Variants in AKAP13 observed in about 807,000 individuals in gnomAD.
The protein encoded by AKAP13 is A-kinase anchor protein 13.
In AKAP13, 80 loss-of-function variants were observed where a neutral mutation model predicts 264.5. The observed-to-expected ratio is 0.30, with a 90% CI of 0.25 to 0.36. AKAP13 has a LOEUF of 0.36. Ranked by LOEUF, AKAP13 falls within the 10% of genes least tolerant of loss-of-function variation. The pLI is 1.00. For synonymous variants in AKAP13, 1,380 were observed against 1,250.2 expected (o/e 1.10, Z -2.19); for missense variants, 3,712 against 3,435.2 (o/e 1.08, Z -2.01).
intron 8 of AKAP13, among the ~76,000 whole-genome samples, chr15:85,599,513 C>G (rs892536662): frequency 6.6e-6 from 1 of 152,102 alleles, no homozygotes; most frequent in African/African-American, 2.4e-5. Flanking sequence ...GTCAGAGTTA[C>G]CGTGTATCTC....
chr15:85,483,618 G>A (rs2075417628), intron 1 of AKAP13, among the ~76,000 whole-genome samples: 1 of 117,958 alleles, frequency 8.5e-6, no homozygotes, highest in East Asian at 2.1e-4. Context: ...GGGCGACAGA[G>A]CGAGACTCCG....
chr15:85,722,049 A>G lies in AKAP13; in HGVS notation c.6311A>G (p.His2104Arg). 6.2e-7 allele frequency: 1 copy of G among 1,614,190 alleles called. No individual in the cohort carries two copies. The highest frequency in any genetic ancestry group is 8.5e-7 in the Non-Finnish European group (1 of 1,179,980). Residue 2104 changes from histidine (H) to arginine (R), a missense_variant, in exon 24 of 37, where the codon CAT becomes CGT. Transcript: ENST00000394518. ...KKTYGKFCGQ[H>R]NQSVNYFKDL... is the part of the protein sequence containing the mutation. ...ACATATGGCAAGTTTTGTGGGCAACATAACCAGTCTGTAAACTACTTCAAA... is the reference window on the plus strand; with the variant it reads ...ACATATGGCAAGTTTTGTGGGCAACGTAACCAGTCTGTAAACTACTTCAAA...
chr15:85,734,093 G>A (rs577290593), intron 30 of AKAP13, among the ~76,000 whole-genome samples: 37 of 151,876 alleles, frequency 2.4e-4, no homozygotes, highest in African/African-American at 5.3e-4. Flanking sequence ...TCGGCCTCCC[G>A]AAGTGCTGGG....
intron 3 of AKAP13, among the ~76,000 whole-genome samples, chr15:85,529,277 G>C (rs1382566449): frequency 1.3e-5 from 2 of 152,082 alleles, no homozygotes; most frequent in Non-Finnish European, 2.9e-5. Context: ...AAAAATTAGC[G>C]GGGCATGGTG....
chr15:85,560,414 TG>T (rs1162789157), intron 5 of AKAP13, among the ~76,000 whole-genome samples: 1 of 152,166 alleles, frequency 6.6e-6, no homozygotes, highest in Admixed American at 6.6e-5. Flanking sequence ...CCCAAAGTGC[TG>T]GGAACACAGG....
chr15:85,544,755 C>A (rs2077679951), intron 5 of AKAP13, among the ~76,000 whole-genome samples: 1 of 152,166 alleles, frequency 6.6e-6, no homozygotes, highest in Admixed American at 6.5e-5. Flanking sequence ...TTGTGGTTAT[C>A]ATCATTATCT....
rs893443283 is a variant in AKAP13, at chr15:85,664,547, T to C, written c.4800-16T>C. On this transcript the variant is annotated splice_polypyrimidine_tract_variant and intron_variant, in intron 12 of 36. Transcript: ENST00000394518. ...CCCAGAAATAGAATGAATTAACTTT[T>C]GTGCCCTATGTTCAGTTTCAGTCTA... 1.3e-6 allele frequency: 2 copies of C among 1,586,166 alleles called. No individual in the cohort carries two copies. Among genetic ancestry groups the C allele is most frequent in the Non-Finnish European group, 1.7e-6 (2 of 1,164,010 alleles).
intron 1 of AKAP13, among the ~76,000 whole-genome samples, chr15:85,451,259 G>A (rs942326392): frequency 6.6e-6 from 1 of 152,098 alleles, no homozygotes; most frequent in Non-Finnish European, 1.5e-5. Context: ...TTTGAGCCTA[G>A]GAGTTTCACT....
At chr15:85,549,304 A>C (rs2151227815) in intron 5 of AKAP13, among the ~76,000 whole-genome samples, 1 of 152,332 alleles carries the variant, frequency 6.6e-6, no homozygotes, top group South Asian at 2.1e-4. Context: ...AATCATTTAC[A>C]GTCCTTCCAC....
At chr15:85,432,587 C>A (rs1328581701) in intron 1 of AKAP13, among the ~76,000 whole-genome samples, 3 of 152,122 alleles carry the variant, frequency 2.0e-5, no homozygotes, top group African/African-American at 7.2e-5. Flanking sequence ...CCAGGAAAAA[C>A]TTTACTTTGT....
rs529050979 is a variant in AKAP13 at position 85,748,751 on chromosome 15, G to C, written c.*4074G>C. On this transcript the variant is annotated 3_prime_UTR_variant, in exon 37 of 37. Transcript: ENST00000394518. Reference sequence around the variant, plus strand: ...ATGAATTACTTCTCCATCTCACTAAGGGTTAAAGGCGTGCAACCCCCCACT... The same window carrying C: ...ATGAATTACTTCTCCATCTCACTAACGGTTAAAGGCGTGCAACCCCCCACT... 6.6e-6 allele frequency: 1 copy of C among 152,360 alleles called. No individual in the cohort carries two copies. The highest frequency in any genetic ancestry group is 2.1e-4 in the South Asian group (1 of 4,824). 9.4% of individuals were successfully genotyped at this position (152,360 alleles called of 1,614,324 possible).
intron 1 of AKAP13, among the ~76,000 whole-genome samples, chr15:85,477,605 T>C (rs960613356): frequency 2.5e-5 from 3 of 118,250 alleles, no homozygotes; most frequent in African/African-American, 1.0e-4. Flanking sequence ...CAGTTGTGAA[T>C]GAACAGAAAT....
rs1034109364 is a variant in AKAP13, at chr15:85,606,114, T to G, written c.4161+20291T>G. On this transcript the variant is annotated intron_variant, in intron 8 of 36. Coordinates refer to ENST00000394518, the MANE Select transcript of AKAP13 (RefSeq NM_007200.5). ...ACTTTTTTTTTTTTTTTTTTTTTTT[T>G]TTGTTGAGATGTAGTCTTGCTCTGT... 1.6e-3 allele frequency among the ~76,000 whole-genome samples: 228 copies of G among 142,682 alleles called. 3 individuals are homozygous for G. Among genetic ancestry groups the G allele is most frequent in the African/African-American group, 5.8e-3 (215 of 36,892 alleles). The allele number at this position is 142,682 out of a possible 152,430, so 93.6% of individuals were successfully genotyped here.
At chr15:85,502,883 C>T (rs994259042) in intron 2 of AKAP13, among the ~76,000 whole-genome samples, 4 of 152,080 alleles carry the variant, frequency 2.6e-5, no homozygotes, top group African/African-American at 9.7e-5. Context: ...AAATTCTTCA[C>T]CTATTATTAA....
At position 85,708,194 on chromosome 15, in the gene AKAP13, AT is replaced by A. The variant is rs1171683495; in HGVS notation, c.5532+111del. On this transcript the variant is annotated intron_variant, in intron 18 of 36. Coordinates refer to ENST00000394518, the MANE Select transcript of AKAP13 (RefSeq NM_007200.5). The surrounding 1 kb of genome is among the most constrained non-coding windows in gnomAD (Gnocchi z 4.3). ...GTGGTGGATTTTGTTTATTTTAATC[AT>A]TTGGTACCAACTTTGAGAACAAATT... 3 of 1,015,610 alleles carry A rather than the reference AT, an allele frequency of 3.0e-6. No homozygotes were observed. The highest frequency in any genetic ancestry group is 4.3e-6 in the Non-Finnish European group (3 of 696,088). 62.9% of individuals were successfully genotyped at this position (1,015,610 alleles called of 1,614,324 possible). A position where few individuals can be genotyped will look rare whatever the true frequency, so the allele number is the denominator to read the frequency against.
Position 85,485,717 on chromosome 15 carries a change from G to A in AKAP13, c.-4G>A. The A allele has an allele frequency of 6.2e-7, 1 of 1,612,962 alleles. No individual in the cohort carries two copies. The highest frequency in any genetic ancestry group is 8.5e-7 in the Non-Finnish European group (1 of 1,179,230). The stretch of plus-strand genomic sequence containing the variant: ...ATTCCATTTCTGTTTCAGTGTCCTG[G>A]GTCATGAAACTTAATCCACAGCAAG... On this transcript the variant is annotated 5_prime_UTR_variant, in exon 2 of 37. Coordinates refer to ENST00000394518, the MANE Select transcript of AKAP13 (RefSeq NM_007200.5).
At chr15:85,737,890 C>T (rs543724985) in intron 33 of AKAP13, among the ~76,000 whole-genome samples, 1 of 152,068 alleles carries the variant, frequency 6.6e-6, no homozygotes, top group East Asian at 1.9e-4. Flanking sequence ...CTGCCTACCT[C>T]AGCCTCCCAA....
At chr15:85,402,720 C>T (rs1280181062) in intron 1 of AKAP13, among the ~76,000 whole-genome samples, 1 of 151,938 alleles carries the variant, frequency 6.6e-6, no homozygotes, top group African/African-American at 2.4e-5. Flanking sequence ...TCTCACTTAA[C>T]CCTGGGGTGG....
At chr15:85,433,997 C>T (rs1046972054) in intron 1 of AKAP13, among the ~76,000 whole-genome samples, 7 of 151,894 alleles carry the variant, frequency 4.6e-5, no homozygotes, top group African/African-American at 1.7e-4. Context: ...AGGAACAGCT[C>T]CGGTCTACAG....
Sources: gnomAD v4.1 joint callset for allele counts (sites outside exome capture counted in the v4.1 genomes callset) on GRCh38, gnomAD v4.1.1 for gene constraint, Gnocchi (gnomAD v3.1) non-coding constraint, MANE v1.5 for transcripts, NCBI Gene and HGNC (gene_info 2026-07-23, HGNC 2026-07-21) for gene names.